Variants in BORA observed in about 807,000 individuals in gnomAD.
BORA encodes protein aurora borealis.
Under a neutral mutation model 55.8 loss-of-function variants are expected in BORA, and 26 were observed. The observed-to-expected ratio is 0.47, with a 90% CI of 0.34 to 0.65. BORA has a LOEUF of 0.65. Among genes scored for constraint, BORA ranks in the 30% least tolerant of loss-of-function variants. The pLI, the probability that BORA is intolerant of heterozygous loss-of-function variation, is 0.01. For synonymous variants in BORA, 201 were observed against 216.9 expected (o/e 0.93, Z 0.64); for missense variants, 568 against 671.5 (o/e 0.85, Z 1.70).
chr13:72,746,678 A>G lies in BORA; in HGVS notation c.1049A>G (p.Gln350Arg). The change falls in exon 10 of 12, where the codon CAG becomes CGG. Residue 350 changes from glutamine to arginine, a missense_variant. Gln to Arg is a conservative substitution (Grantham distance 43). Transcript: ENST00000390667. ...GGTQYRTSVI[Q>R]IPFTLETQGE... ...ACTCAGTATCGGACCTCAGTGATTC[A>G]GATACCTTTTACTCTTGAGACTCAA... 2 of 1,614,086 alleles carry G rather than the reference A, an allele frequency of 1.2e-6. No individual in the cohort carries two copies. Among genetic ancestry groups the G allele is most frequent in the Non-Finnish European group, 1.7e-6 (2 of 1,179,936 alleles).
chr13:72,740,002 T>A lies in BORA; in HGVS notation c.388+1959T>A, dbSNP rs1054782408. ...CACTGTGGCATGTCTGTGTAGTCCA[T>A]GTGCGGTATGAGGGTTGGGGGGTCA... On this transcript the variant is annotated intron_variant, in intron 5 of 11. Transcript: ENST00000390667. 1.3e-4 allele frequency among the ~76,000 whole-genome samples: 7 copies of A among 54,258 alleles called. No homozygotes were observed. In the South Asian group the frequency reaches 7.2e-3, roughly 55 times the overall value. The allele number at this position is 54,258 out of a possible 152,430, so 35.6% of individuals were successfully genotyped here.
chr13:72,750,032 C>T (rs954678902), intron 10 of BORA, among the ~76,000 whole-genome samples: 1 of 152,048 alleles, frequency 6.6e-6, no homozygotes, highest in Non-Finnish European at 1.5e-5. Context: ...AAAAACAGAA[C>T]GAATACGTAG....
At chr13:72,736,282 A>C (rs2032925828) in intron 4 of BORA, among the ~76,000 whole-genome samples, 1 of 152,150 alleles carries the variant, frequency 6.6e-6, no homozygotes, top group Non-Finnish European at 1.5e-5. Flanking sequence ...TATATTTTTG[A>C]AAATAGAAGA....
Position 72,756,181 on chromosome 13 carries a change from A to ATAT in BORA, c.*965_*966insTAT. 2.8e-5 allele frequency: 1 copy of ATAT among 35,508 alleles called. No homozygotes were observed. The highest frequency in any genetic ancestry group is 4.4e-5 in the Non-Finnish European group (1 of 22,888). The allele number at this position is 35,508 out of a possible 1,614,324, so 2.2% of individuals were successfully genotyped here. The stretch of plus-strand genomic sequence containing the variant: ...AACTGTCTCATTCAAAAGGGAATAA[A>ATAT]GACCTGTGTTATCAATGTGTCATTT... On this transcript the variant is annotated 3_prime_UTR_variant, in exon 12 of 12. Transcript: ENST00000390667.
At chr13:72,737,480 T>C (rs147575361) in intron 4 of BORA, among the ~76,000 whole-genome samples, 5 of 151,734 alleles carry the variant, frequency 3.3e-5, no homozygotes, top group Non-Finnish European at 7.4e-5. Flanking sequence ...TTTTAATATA[T>C]TTAATTGTAA....
chr13:72,742,189 T>A (rs2033045529), intron 5 of BORA, among the ~76,000 whole-genome samples: 1 of 151,452 alleles, frequency 6.6e-6, no homozygotes, highest in Non-Finnish European at 1.5e-5. Flanking sequence ...AATTTAGAAT[T>A]GTTAGGTTAC....
chr13:72,745,932 A>G lies in BORA; in HGVS notation c.739-12A>G. On this transcript the variant is annotated splice_polypyrimidine_tract_variant and intron_variant, in intron 8 of 11. Transcript: ENST00000390667. ...ACCATATACATTTATTTACTATTTA[A>G]TTTTATTACAGGGGCAGTTTTCTTC... is the stretch of plus-strand genomic sequence containing the variant. 1 of 1,599,030 alleles carries G rather than the reference A, an allele frequency of 6.3e-7. No homozygotes were observed. Among genetic ancestry groups the G allele is most frequent in the Non-Finnish European group, 8.5e-7 (1 of 1,173,820 alleles).
At chr13:72,751,908 A>T (rs1030156598) in intron 10 of BORA, among the ~76,000 whole-genome samples, 3 of 152,188 alleles carry the variant, frequency 2.0e-5, no homozygotes, top group Admixed American at 2.0e-4. Flanking sequence ...TAGTAATGGA[A>T]GGCAAGGTCC....
intron 10 of BORA, 36 bp downstream of exon 10, chr13:72,747,147 T>C: frequency 6.3e-7 from 1 of 1,590,388 alleles, no homozygotes; most frequent in Non-Finnish European, 8.6e-7. Context: ...CCTTCCTCAC[T>C]GCCTTGGTGT....
intron 7 of BORA, 96 bp from the exon 8 acceptor site, chr13:72,744,881 TCAAA>T (rs2033109423): frequency 1.8e-6 from 2 of 1,111,176 alleles, no homozygotes; most frequent in East Asian, 5.0e-5. Flanking sequence ...GGGAAAAAAT[TCAAA>T]CATAGTGCAT....
chr13:72,728,098 C>G (rs2032718346), intron 1 of BORA, 91 bp downstream of exon 1: 1 of 1,503,366 alleles, frequency 6.7e-7, no homozygotes. Flanking sequence ...CCCGCTCGCC[C>G]CTGGTGAATG....
chr13:72,744,302 G>A lies in BORA; in HGVS notation c.455-203G>A, dbSNP rs527917903. On this transcript the variant is annotated intron_variant, in intron 6 of 11. Coordinates refer to ENST00000390667, the MANE Select transcript of BORA (RefSeq NM_024808.5). ...AGGAGTTAACTTTTACTATTAACAC[G>A]TTTACACCAGTTGCGGAGAGTGTGG... Among the ~76,000 whole-genome samples the A allele has an allele frequency of 5.3e-5, 8 of 152,320 alleles. No homozygotes were observed. In the East Asian group the frequency reaches 7.7e-4, roughly 15 times the overall value.
chr13:72,755,052 A>G lies in BORA; in HGVS notation c.1615-99A>G, dbSNP rs570947721. 2.4e-4 allele frequency: 228 copies of G among 938,422 alleles called. 1 individual carries two copies. Among genetic ancestry groups the G allele is most frequent in the Middle Eastern group, 2.3e-3 (11 of 4,702 alleles). 58.1% of individuals were successfully genotyped at this position (938,422 alleles called of 1,614,324 possible). On this transcript the variant is annotated intron_variant, in intron 11 of 11. Transcript: ENST00000390667. ...TTTACTGTCCCTTCAGAGTTCAGCT[A>G]AAGAAACGTGCTTTTAGGTTTTAAA...
intron 10 of BORA, chr13:72,753,422 G>T: frequency 3.7e-6 from 1 of 267,498 alleles, no homozygotes; most frequent in Admixed American, 5.0e-5. Flanking sequence ...TAACAGGAAA[G>T]CATTGTGTCA....
At chr13:72,748,945 C>T (rs1056355687) in intron 10 of BORA, among the ~76,000 whole-genome samples, 6 of 152,136 alleles carry the variant, frequency 3.9e-5, no homozygotes, top group African/African-American at 1.4e-4. Context: ...ACTTCTCTTA[C>T]TATTACAACC....
In BORA at chr13:72,735,510, CATAAT is replaced by C. The variant is rs2032903729; in HGVS notation, c.306+506_306+510del. Among the ~76,000 whole-genome samples, 3 of 152,112 alleles carry C rather than the reference CATAAT, an allele frequency of 2.0e-5. No individual in the cohort carries two copies. The South Asian group carries it at 6.2e-4, about 32-fold the overall frequency. ...TTACTGTTAAACAGGAAAGGTATAT[CATAAT>C]GTAGGCTTTCTAAAAAATAAAAATA... On this transcript the variant is annotated intron_variant, in intron 4 of 11. Coordinates refer to ENST00000390667, the MANE Select transcript of BORA (RefSeq NM_024808.5).
At position 72,746,038 on chromosome 13, in the gene BORA, C is replaced by T. The variant is rs1420974607; in HGVS notation, c.833C>T (p.Ser278Leu). 6.2e-7 allele frequency: 1 copy of T among 1,612,550 alleles called. No homozygotes were observed. Among genetic ancestry groups the T allele is most frequent in the Non-Finnish European group, 8.5e-7 (1 of 1,178,734 alleles). Residue 278 changes from serine (S) to leucine (L), a missense_variant, in exon 9 of 12, where the codon TCA becomes TTA. By Grantham distance (145) the Ser-to-Leu change is moderately radical. Transcript: ENST00000390667. ...TCGCCTATTTCTTCACCCACTTTCT[C>T]ACCAATTGAATTTCAGATAGGAGAG... ...SPSPISSPTF[S>L]PIEFQIGETP...
Position 72,755,356 on chromosome 13 carries a change from G to A in BORA, c.*140G>A. On this transcript the variant is annotated 3_prime_UTR_variant, in exon 12 of 12. Coordinates refer to ENST00000390667, the MANE Select transcript of BORA (RefSeq NM_024808.5). ...TTCCCTCCTTAATGTGAAAAATCAA[G>A]GGCTTACTGACATAGGAACAACAGA... 1 of 633,458 alleles carries A rather than the reference G, an allele frequency of 1.6e-6. No individual in the cohort carries two copies. The highest frequency in any genetic ancestry group is 2.9e-5 in the East Asian group (1 of 34,394). The allele number at this position is 633,458 out of a possible 1,614,324, so 39.2% of individuals were successfully genotyped here.
intron 4 of BORA, among the ~76,000 whole-genome samples, 166 bp downstream of exon 4, chr13:72,735,171 A>G (rs1007929044): frequency 2.0e-4 from 30 of 152,180 alleles, no homozygotes; most frequent in African/African-American, 6.8e-4. Flanking sequence ...CCTAAGACCA[A>G]TAATTTCCAG....
Sources: gnomAD v4.1 joint callset for allele counts (sites outside exome capture counted in the v4.1 genomes callset) on GRCh38, gnomAD v4.1.1 for gene constraint, MANE v1.5 for transcripts, NCBI Gene and HGNC (gene_info 2026-07-23, HGNC 2026-07-21) for gene names.